The following ABTB3 variants were observed in gnomAD, a reference collection of about 807,000 sequenced individuals.
ABTB3 encodes the protein ankyrin repeat- and BTB/POZ domain-containing protein 3.
the ABTB3 span, among the ~76,000 whole-genome samples, chr12:107,460,955 C>T: frequency 3.2e-4 from 48 of 152,242 alleles, no homozygotes; most frequent in African/African-American, 1.1e-3. Context: ...AGTCTGTTCT[C>T]ATGCTGCTAA....
chr12:107,496,896 G>A, the ABTB3 span, among the ~76,000 whole-genome samples: 3 of 152,096 alleles, frequency 2.0e-5, no homozygotes, highest in East Asian at 1.9e-4. Context: ...TTATTGTACC[G>A]TGATTATTGT....
At chr12:107,649,151 G>A in the ABTB3 span, 1 of 1,506,404 alleles carries the variant, frequency 6.6e-7, no homozygotes, top group Non-Finnish European at 9.2e-7. Flanking sequence ...TCCACCGAAT[G>A]GCTTTGAGAT....
chr12:107,489,156 C>T, the ABTB3 span, among the ~76,000 whole-genome samples: 1 of 152,142 alleles, frequency 6.6e-6, no homozygotes, highest in Admixed American at 6.5e-5. Context: ...GTAAGATTGG[C>T]ACTTAAGTAT....
the ABTB3 span, among the ~76,000 whole-genome samples, chr12:107,381,472 CA>C: frequency 7.0e-4 from 106 of 152,280 alleles, 1 homozygote; most frequent in African/African-American, 2.5e-3. Context: ...CACTGGCACC[CA>C]AAGGCTGAGG....
chr12:107,408,594 T>G, the ABTB3 span, among the ~76,000 whole-genome samples: 1 of 152,218 alleles, frequency 6.6e-6, no homozygotes, highest in Non-Finnish European at 1.5e-5. Context: ...TTATTTTGTC[T>G]TACATAAATC....
At chr12:107,620,272 C>T in the ABTB3 span, 22 of 1,381,384 alleles carry the variant, frequency 1.6e-5, no homozygotes, top group East Asian at 9.2e-5. Flanking sequence ...GGGATCACTA[C>T]GGTCATAGCG....
At chr12:107,351,924 G>A in the ABTB3 span, among the ~76,000 whole-genome samples, 1 of 152,262 alleles carries the variant, frequency 6.6e-6, no homozygotes, top group South Asian at 2.1e-4. Flanking sequence ...GCTGAGGTAG[G>A]AAGAGTCTTT....
the ABTB3 span, among the ~76,000 whole-genome samples, chr12:107,573,526 G>T: frequency 6.7e-6 from 1 of 149,232 alleles, no homozygotes; most frequent in Non-Finnish European, 1.5e-5. Flanking sequence ...GGAACAGATG[G>T]TGAGTGGACA....
chr12:107,619,002 A>G, the ABTB3 span, among the ~76,000 whole-genome samples: 7 of 152,204 alleles, frequency 4.6e-5, no homozygotes, highest in African/African-American at 1.4e-4. Context: ...AGGCTAGCCT[A>G]GCCTTCACCA....
chr12:107,389,068 A>T, the ABTB3 span, among the ~76,000 whole-genome samples: 1 of 152,230 alleles, frequency 6.6e-6, no homozygotes, highest in African/African-American at 2.4e-5. Context: ...TATGAGCTGC[A>T]GGTGAGTGTT....
the ABTB3 span, among the ~76,000 whole-genome samples, chr12:107,330,390 A>G: frequency 2.0e-5 from 3 of 152,198 alleles, no homozygotes; most frequent in African/African-American, 7.2e-5. Context: ...TCCCCATCTT[A>G]CCCAAGAAGA....
the ABTB3 span, among the ~76,000 whole-genome samples, chr12:107,453,077 G>A: frequency 6.6e-6 from 1 of 152,242 alleles, no homozygotes; most frequent in Non-Finnish European, 1.5e-5. Context: ...AGAGGGAAAG[G>A]TCTAGGGAAT....
At chr12:107,635,352 A>G in the ABTB3 span, 2 of 1,613,530 alleles carry the variant, frequency 1.2e-6, no homozygotes, top group Non-Finnish European at 1.7e-6. Flanking sequence ...CCCATCCCCA[A>G]GCTCACAGAA....
At chr12:107,490,917 C>T in the ABTB3 span, among the ~76,000 whole-genome samples, 1,954 of 152,150 alleles carry the variant, frequency 0.013, 48 homozygotes, top group African/African-American at 0.041. Context: ...GAGCCCCTTC[C>T]GTAGATGAGA....
chr12:107,581,928 G>A, the ABTB3 span, among the ~76,000 whole-genome samples: 1 of 152,142 alleles, frequency 6.6e-6, no homozygotes, highest in African/African-American at 2.4e-5. Flanking sequence ...GTGCGTGCGC[G>A]TGCACGCACA....
the ABTB3 span, chr12:107,374,626 CA>C: frequency 6.6e-6 from 1 of 152,190 alleles, no homozygotes. Context: ...AAGTGAACCC[CA>C]GGGGAGCATT....
At chr12:107,356,563 A>G in the ABTB3 span, among the ~76,000 whole-genome samples, 1 of 152,182 alleles carries the variant, frequency 6.6e-6, no homozygotes, top group African/African-American at 2.4e-5. Flanking sequence ...GAATGTCGTC[A>G]TCTTAATACA....
chr12:107,516,087 A>G, the ABTB3 span, among the ~76,000 whole-genome samples: 1 of 151,878 alleles, frequency 6.6e-6, no homozygotes, highest in Non-Finnish European at 1.5e-5. Flanking sequence ...GATATAAAAT[A>G]TATTCTTACT....
the ABTB3 span, among the ~76,000 whole-genome samples, chr12:107,446,670 G>A: frequency 2.6e-5 from 4 of 152,174 alleles, no homozygotes; most frequent in Non-Finnish European, 5.9e-5. Flanking sequence ...CATCCCCAGA[G>A]TGACTAATGC....
Sources: allele counts gnomAD v4.1 joint callset (sites outside exome capture counted in the v4.1 genomes callset), GRCh38; gene constraint gnomAD v4.1.1; transcripts MANE v1.5; gene names NCBI Gene and HGNC (gene_info 2026-07-23, HGNC 2026-07-21).